TBC1D10A: variants seen among roughly 807,000 people sequenced by gnomAD.
TBC1D10A encodes the protein TBC1 domain family member 10A.
Under a neutral mutation model 52.9 loss-of-function variants are expected in TBC1D10A, and 24 were observed. The observed-to-expected ratio is 0.45, with a 90% CI of 0.33 to 0.64. The LOEUF (loss-of-function observed/expected upper bound fraction) is 0.64. TBC1D10A is among the 30% of genes least tolerant of loss of function. TBC1D10A has a pLI of 0.02. For missense variants in TBC1D10A, 602 were observed against 687.9 expected (o/e 0.88, Z 1.40); for synonymous variants, 278 against 282.9 (o/e 0.98, Z 0.17).
At chr22:30,300,990 A>G (rs774422319) in intron 2 of TBC1D10A, among the ~76,000 whole-genome samples, 8 of 152,238 alleles carry the variant, frequency 5.3e-5, no homozygotes, top group African/African-American at 9.6e-5. Context: ...TTGAAAAACT[A>G]TCAAAACGAT....
At chr22:30,294,188 C>G in intron 6 of TBC1D10A, 78 bp from the exon 7 acceptor site, 2 of 1,495,320 alleles carry the variant, frequency 1.3e-6, no homozygotes, top group Non-Finnish European at 1.8e-6. Flanking sequence ...CAGCACCCAG[C>G]ACCCAGCACC....
Position 30,293,747 on chromosome 22 carries a change from A to G in TBC1D10A, c.954T>C (p.Pro318=). 6.2e-7 allele frequency: 1 copy of G among 1,613,152 alleles called. No individual in the cohort carries two copies. Among genetic ancestry groups the G allele is most frequent in the Non-Finnish European group, 8.5e-7 (1 of 1,179,608 alleles). Residue 318 remains proline (P), a synonymous_variant, in exon 8 of 9, where the codon CCT becomes CCC. Transcript: ENST00000215790. ...LVLLKHALGS[P]EKVKACQGQY... is the part of the protein sequence containing the mutation. ...GGCCCTGGCAGGCTTTGACCTTCTC[A>G]GGGGAGCCCAGCGCGTGCTTCAGCA... is the stretch of plus-strand genomic sequence containing the variant.
chr22:30,309,953 A>T (rs1373376408), intron 1 of TBC1D10A, among the ~76,000 whole-genome samples: 1 of 152,064 alleles, frequency 6.6e-6, no homozygotes, highest in Non-Finnish European at 1.5e-5. Context: ...ATACCAAGGA[A>T]CCCGTCTAAA....
At chr22:30,294,916 C>A (rs1019747081) in intron 5 of TBC1D10A, 25 bp downstream of exon 5, 2 of 1,613,876 alleles carry the variant, frequency 1.2e-6, no homozygotes, top group Non-Finnish European at 1.7e-6. Context: ...ACCCACCCCC[C>A]TGCCTGCCCG....
At chr22:30,325,247 A>G (rs914686875) in intron 1 of TBC1D10A, among the ~76,000 whole-genome samples, 1 of 152,192 alleles carries the variant, frequency 6.6e-6, no homozygotes, top group Non-Finnish European at 1.5e-5. Flanking sequence ...CCAGTGGGTG[A>G]GAGGGAACTC....
chr22:30,321,223 T>A (rs1410250997), intron 1 of TBC1D10A, among the ~76,000 whole-genome samples: 3 of 152,064 alleles, frequency 2.0e-5, no homozygotes, highest in Non-Finnish European at 4.4e-5. Context: ...CCTTCGAGGC[T>A]AAGAAGGGAA....
At chr22:30,293,301 A>G in intron 8 of TBC1D10A, 1 of 608,630 alleles carries the variant, frequency 1.6e-6, no homozygotes, top group Non-Finnish European at 3.2e-6. Flanking sequence ...CTGGTCACGC[A>G]TGTTCCACCT....
intron 1 of TBC1D10A, among the ~76,000 whole-genome samples, chr22:30,319,271 C>T (rs1052593227): frequency 1.3e-5 from 2 of 152,220 alleles, no homozygotes; most frequent in Non-Finnish European, 2.9e-5. Flanking sequence ...GCCTCAATGA[C>T]AGCCTTCATC....
chr22:30,295,213 A>C (rs1930051193), intron 4 of TBC1D10A, among the ~76,000 whole-genome samples, 158 bp from the exon 5 acceptor site: 1 of 152,192 alleles, frequency 6.6e-6, no homozygotes, highest in South Asian at 2.1e-4. Flanking sequence ...CTCCTACTGG[A>C]GCACATGGAC....
chr22:30,303,139 C>G (rs1079227), intron 2 of TBC1D10A, among the ~76,000 whole-genome samples: 30,913 of 152,092 alleles, frequency 0.2, 3,401 homozygotes, highest in Middle Eastern at 0.35. Context: ...AAATTCGCCA[C>G]GTGTGGTGAC....
intron 8 of TBC1D10A, chr22:30,293,183 AGC>A: frequency 1.6e-6 from 1 of 640,950 alleles, no homozygotes; most frequent in Non-Finnish European, 3.0e-6. Context: ...TGCCCAGGGC[AGC>A]CTGGCTGCTT....
At chr22:30,323,089 G>A (rs1930692022) in intron 1 of TBC1D10A, among the ~76,000 whole-genome samples, 1 of 151,646 alleles carries the variant, frequency 6.6e-6, no homozygotes, top group African/African-American at 2.4e-5. Context: ...TTTTCTTGTA[G>A]AGATGGAGTT....
chr22:30,318,700 T>C, intron 1 of TBC1D10A: 1 of 471,210 alleles, frequency 2.1e-6, no homozygotes, highest in Non-Finnish European at 4.4e-6. Flanking sequence ...CAAGCACTAA[T>C]GATTTGCCAG....
rs956747819 is a variant in TBC1D10A, at chr22:30,297,419, G to A, written c.418-1576C>T. 3.9e-5 allele frequency: 6 copies of A among 152,332 alleles called. No individual in the cohort carries two copies. The East Asian group carries it at 5.8e-4, about 15-fold the overall frequency. The allele number at this position is 152,332 out of a possible 1,614,324, so 9.4% of individuals were successfully genotyped here. ...CATGAGGTAGGAACCCGAAAACCCC[G>A]GAAGTCAGTTCCTAGGATGTGTTCA... On this transcript the variant is annotated intron_variant, in intron 3 of 8. Coordinates refer to ENST00000215790, the MANE Select transcript of TBC1D10A (RefSeq NM_031937.3). The surrounding 1 kb of genome is among the most constrained non-coding windows in gnomAD (Gnocchi z 4.3).
intron 1 of TBC1D10A, among the ~76,000 whole-genome samples, chr22:30,321,317 AC>A (rs1930647884): frequency 6.6e-6 from 1 of 152,188 alleles, no homozygotes; most frequent in Non-Finnish European, 1.5e-5. Flanking sequence ...CAGATGGGCC[AC>A]CCAGGGACCA....
chr22:30,326,592 C>A, intron 1 of TBC1D10A, 81 bp downstream of exon 1: 1 of 1,377,086 alleles, frequency 7.3e-7, no homozygotes. Flanking sequence ...GACGTGTCGG[C>A]AAGTCCCGAG....
At chr22:30,302,116 A>G (rs1930213669) in intron 2 of TBC1D10A, among the ~76,000 whole-genome samples, 1 of 152,210 alleles carries the variant, frequency 6.6e-6, no homozygotes, top group African/African-American at 2.4e-5. Flanking sequence ...GAGTACAGCC[A>G]GCCTTTCCCA....
intron 1 of TBC1D10A, among the ~76,000 whole-genome samples, chr22:30,314,091 T>C (rs1257508395): frequency 3.3e-5 from 5 of 152,268 alleles, no homozygotes; most frequent in Non-Finnish European, 1.5e-5. Context: ...TCAACTCCCT[T>C]TTGTGAATAA....
At chr22:30,293,144 C>T (rs55721524) in intron 8 of TBC1D10A, 54,075 of 628,778 alleles carry the variant, frequency 0.086, 2,839 homozygotes, top group African/African-American at 0.17. Flanking sequence ...AGACAAAAAC[C>T]TGCTCTCTGC....
Sources: gnomAD v4.1 joint callset for allele counts (sites outside exome capture counted in the v4.1 genomes callset) on GRCh38, gnomAD v4.1.1 for gene constraint, Gnocchi (gnomAD v3.1) non-coding constraint, MANE v1.5 for transcripts, NCBI Gene and HGNC (gene_info 2026-07-23, HGNC 2026-07-21) for gene names.